Variants in ENTPD7 observed in about 807,000 individuals in gnomAD.
The protein encoded by ENTPD7 is NTPDase 7.
ENTPD7 carries 53 observed loss-of-function variants against 77.9 expected under a neutral mutation model. That is an observed-to-expected ratio of 0.68 (90% CI 0.55 to 0.85). The LOEUF (loss-of-function observed/expected upper bound fraction) is 0.85. Among genes scored for constraint, ENTPD7 ranks in the 40% least tolerant of loss-of-function variants. The pLI is 0.00. For missense variants in ENTPD7, 636 were observed against 743.7 expected (o/e 0.86, Z 1.68); for synonymous variants, 248 against 274.9 (o/e 0.90, Z 0.97).
In ENTPD7 at chr10:99,706,714, T is replaced by A. The variant is rs2036261170; in HGVS notation, c.*2031T>A. ...TCCTTTGGTTTTTAAGACTTCTACA[T>A]TGCTTTTTCTTTTATTATCTGTGCT... On this transcript the variant is annotated 3_prime_UTR_variant, in exon 13 of 13. Coordinates refer to ENST00000370489, the MANE Select transcript of ENTPD7 (RefSeq NM_020354.5). Among the ~76,000 whole-genome samples, 1 of 152,196 alleles carries A rather than the reference T, an allele frequency of 6.6e-6. No individual in the cohort carries two copies. The highest frequency in any genetic ancestry group is 2.4e-5 in the African/African-American group (1 of 41,454).
rs577492282 is a variant in ENTPD7, at chr10:99,706,963, T to C, written c.*2280T>C. Among the ~76,000 whole-genome samples the C allele has an allele frequency of 2.1e-4, 32 of 152,334 alleles. No homozygotes were observed. The highest frequency in any genetic ancestry group is 7.5e-4 in the African/African-American group (31 of 41,576). Reference sequence around the variant, plus strand: ...ACACGGAAGTAGTGGTTGGTCCAGTTTGAAAGCTCTTATTAGTATTCTTCA... The same window carrying C: ...ACACGGAAGTAGTGGTTGGTCCAGTCTGAAAGCTCTTATTAGTATTCTTCA... On this transcript the variant is annotated 3_prime_UTR_variant, in exon 13 of 13. Coordinates refer to ENST00000370489, the MANE Select transcript of ENTPD7 (RefSeq NM_020354.5).
intron 10 of ENTPD7, among the ~76,000 whole-genome samples, chr10:99,700,485 AG>A (rs1397439053): frequency 8.0e-5 from 12 of 150,244 alleles, no homozygotes; most frequent in Non-Finnish European, 1.2e-4. Flanking sequence ...AAGCTTCCTG[AG>A]GACAGGAATT....
chr10:99,709,560 T>C lies in ENTPD7; in HGVS notation c.*4877T>C, dbSNP rs2036319807. On this transcript the variant is annotated 3_prime_UTR_variant, in exon 13 of 13. Transcript: ENST00000370489. ...GTCAATAATATTTTGATTAATACTA[T>C]AGAATAGCAACAGTGAATATACCTC... 2 of 983,066 alleles carry C rather than the reference T, an allele frequency of 2.0e-6. No homozygotes were observed. The highest frequency in any genetic ancestry group is 1.1e-4 in the East Asian group (1 of 8,808). 60.9% of individuals were successfully genotyped at this position (983,066 alleles called of 1,614,324 possible). A position where few individuals can be genotyped will look rare whatever the true frequency, so the allele number is the denominator to read the frequency against.
intron 5 of ENTPD7, 24 bp from the exon 6 acceptor site, chr10:99,685,768 G>C (rs1205972291): frequency 2.5e-6 from 4 of 1,571,560 alleles, no homozygotes; most frequent in Non-Finnish European, 3.5e-6. Context: ...GACTAACTTT[G>C]GGATTTTTTG....
intron 12 of ENTPD7, among the ~76,000 whole-genome samples, chr10:99,703,615 T>C (rs923052573): frequency 1.3e-5 from 2 of 152,248 alleles, no homozygotes; most frequent in African/African-American, 4.8e-5. Flanking sequence ...ACCATTACAC[T>C]TGGTTTTCAT....
At chr10:99,669,749 T>G (rs1033675669) in intron 3 of ENTPD7, among the ~76,000 whole-genome samples, 2 of 126,100 alleles carry the variant, frequency 1.6e-5, no homozygotes, top group African/African-American at 6.0e-5. Context: ...GGTTTTTTTT[T>G]TTTTTTTTTT....
chr10:99,704,785 T>A lies in ENTPD7; in HGVS notation c.*102T>A. 2 of 1,086,422 alleles carry A rather than the reference T, an allele frequency of 1.8e-6. No homozygotes were observed. The highest frequency in any genetic ancestry group is 2.7e-6 in the Non-Finnish European group (2 of 752,138). 67.3% of individuals were successfully genotyped at this position (1,086,422 alleles called of 1,614,324 possible). On this transcript the variant is annotated 3_prime_UTR_variant, in exon 13 of 13. Coordinates refer to ENST00000370489, the MANE Select transcript of ENTPD7 (RefSeq NM_020354.5). ...TCAGATGCTGTGATGTCTGACCTTG[T>A]GGATATTTGCCCTTGGAATTTCTAC...
At chr10:99,669,038 A>G (rs368978252) in intron 3 of ENTPD7, among the ~76,000 whole-genome samples, 1 of 148,438 alleles carries the variant, frequency 6.7e-6, no homozygotes, top group African/African-American at 2.4e-5. Context: ...TTTATTTTAT[A>G]TATCTTTTTT....
chr10:99,659,805 G>T lies in ENTPD7; in HGVS notation c.-95-57G>T. 1 of 1,022,590 alleles carries T rather than the reference G, an allele frequency of 9.8e-7. No homozygotes were observed. 63.3% of individuals were successfully genotyped at this position (1,022,590 alleles called of 1,614,324 possible). On this transcript the variant is annotated intron_variant, in intron 1 of 12. Coordinates refer to ENST00000370489, the MANE Select transcript of ENTPD7 (RefSeq NM_020354.5). This position sits in a 1 kb window ranked among gnomAD's most constrained non-coding sequence, Gnocchi z 4.1. ...AGGAGGTGGGAGCCGTGGAATTCCC[G>T]TGCAGGTTTGTCTCGTGGGCTCAGT...
At chr10:99,687,360 G>A (rs945704124) in intron 6 of ENTPD7, among the ~76,000 whole-genome samples, 1 of 126,152 alleles carries the variant, frequency 7.9e-6, no homozygotes, top group Admixed American at 1.0e-4. Flanking sequence ...TCCGCTCCCT[G>A]GTTCAAGCGA....
At chr10:99,700,877 A>G in intron 10 of ENTPD7, 96 bp from the exon 11 acceptor site, 1 of 987,548 alleles carries the variant, frequency 1.0e-6, no homozygotes, top group East Asian at 2.4e-5. Context: ...CTGGTAGCCC[A>G]CAAGTAACTT....
At chr10:99,680,679 C>CA (rs2035741439) in intron 5 of ENTPD7, among the ~76,000 whole-genome samples, 4 of 152,032 alleles carry the variant, frequency 2.6e-5, no homozygotes, top group Admixed American at 2.6e-4. Context: ...CTCTGCCCCC[C>CA]AGGCCCAAGT....
chr10:99,689,090 G>A (rs1467320001), intron 7 of ENTPD7, among the ~76,000 whole-genome samples: 1 of 151,632 alleles, frequency 6.6e-6, no homozygotes, highest in African/African-American at 2.4e-5. Flanking sequence ...CCCCAGACAT[G>A]TAATTTTTAT....
rs1000382040 is a variant in ENTPD7 at position 99,705,317 on chromosome 10, A to G, written c.*634A>G. 7.2e-5 allele frequency: 11 copies of G among 153,368 alleles called. No individual in the cohort carries two copies. The highest frequency in any genetic ancestry group is 2.7e-4 in the African/African-American group (11 of 41,470). The allele number at this position is 153,368 out of a possible 1,614,324, so 9.5% of individuals were successfully genotyped here. On this transcript the variant is annotated 3_prime_UTR_variant, in exon 13 of 13. Transcript: ENST00000370489. ...GTTAGTACATGATTTTAAAGGTTAG[A>G]ACCCCTTCTAAATGAATGGTCTGTG...
intron 3 of ENTPD7, among the ~76,000 whole-genome samples, chr10:99,669,775 AGTCTTGCTCTGTC>A (rs2035597433): frequency 9.1e-6 from 1 of 109,370 alleles, no homozygotes; most frequent in Non-Finnish European, 1.7e-5. Flanking sequence ...TTTGAGACAG[AGTCTTGCTCTGTC>A]GTCCAGGCTG....
At chr10:99,680,259 G>T (rs187650319) in intron 5 of ENTPD7, among the ~76,000 whole-genome samples, 1 of 152,128 alleles carries the variant, frequency 6.6e-6, no homozygotes, top group East Asian at 1.9e-4. Flanking sequence ...AATAACTGGG[G>T]GAGTCCCTCT....
intron 2 of ENTPD7, chr10:99,660,263 G>A: frequency 4.1e-6 from 4 of 970,846 alleles, no homozygotes; most frequent in Non-Finnish European, 4.9e-6. Flanking sequence ...CACTTGAGGA[G>A]GTTAAACAAA....
rs1329850467 is a variant in ENTPD7, at chr10:99,674,883, C to A, written c.192-4378C>A. ...CTAGTAGTTACTATATTCTTCATTGCCACACAATTGCATTGGAAGAAAAGA... is the reference window on the plus strand; with the variant it reads ...CTAGTAGTTACTATATTCTTCATTGACACACAATTGCATTGGAAGAAAAGA... On this transcript the variant is annotated intron_variant, in intron 3 of 12. Transcript: ENST00000370489. Among the ~76,000 whole-genome samples the A allele has an allele frequency of 3.3e-5, 5 of 152,244 alleles. No homozygotes were observed. The South Asian group carries it at 1.0e-3, about 32-fold the overall frequency.
At chr10:99,661,716 T>A (rs1271747084) in intron 3 of ENTPD7, 88 bp downstream of exon 3, 4 of 1,134,838 alleles carry the variant, frequency 3.5e-6, no homozygotes, top group Admixed American at 3.4e-5. Context: ...TTTTGGGTGA[T>A]ACTGTACTTT....
Sources: gnomAD v4.1 joint callset for allele counts (sites outside exome capture counted in the v4.1 genomes callset) on GRCh38, gnomAD v4.1.1 for gene constraint, Gnocchi (gnomAD v3.1) non-coding constraint, MANE v1.5 for transcripts, NCBI Gene and HGNC (gene_info 2026-07-23, HGNC 2026-07-21) for gene names.